NCALD: variants seen among roughly 807,000 people sequenced by gnomAD.
NCALD encodes neurocalcin delta.
Under a neutral mutation model 18.6 loss-of-function variants are expected in NCALD, and 10 were observed. The ratio of observed to expected loss-of-function variants is 0.54; its 90% CI spans 0.33 to 0.91. NCALD has a LOEUF of 0.91. Ranked by LOEUF, NCALD falls within the 40% of genes least tolerant of loss-of-function variation. The probability of loss-of-function intolerance (pLI) is 0.03; values close to 1 mark genes in which losing one functional copy is unlikely to be tolerated. For missense variants in NCALD, 184 were observed against 247.6 expected (o/e 0.74, Z 1.72); for synonymous variants, 88 against 87.4 (o/e 1.01, Z -0.04).
At position 101,762,279 on chromosome 8, in the gene NCALD, A is replaced by C. The variant is rs74790910; in HGVS notation, c.-20+28583T>G. The stretch of plus-strand genomic sequence containing the variant: ...ATCATAATACAAAGATCTAGCTAAT[A>C]AAAATTCCATTTTGCTCTGGTGAGA... On this transcript the variant is annotated intron_variant, in intron 1 of 3. Coordinates refer to ENST00000220931, the MANE Select transcript of NCALD (RefSeq NM_032041.3). 9.5e-3 allele frequency among the ~76,000 whole-genome samples: 1,440 copies of C among 152,302 alleles called. 11 individuals are homozygous for C. Among genetic ancestry groups the C allele is most frequent in the Middle Eastern group, 0.041 (12 of 294 alleles).
chr8:102,043,447 A>G (rs1823123391), intron 1 of NCALD, among the ~76,000 whole-genome samples: 1 of 151,712 alleles, frequency 6.6e-6, no homozygotes, highest in Admixed American at 6.6e-5. Context: ...CTAAACATTA[A>G]TAGACTGACA....
At chr8:101,811,342 A>C (rs1428395184) in intron 4 of NCALD, among the ~76,000 whole-genome samples, 3 of 152,188 alleles carry the variant, frequency 2.0e-5, no homozygotes, top group Non-Finnish European at 4.4e-5. Flanking sequence ...GGAAGGGGCC[A>C]TGAGCCAAAG....
chr8:102,073,546 A>G (rs1457761945), intron 1 of NCALD, among the ~76,000 whole-genome samples: 3 of 151,544 alleles, frequency 2.0e-5, no homozygotes, highest in African/African-American at 7.3e-5. Flanking sequence ...TTTTTTTACT[A>G]TAGCATGGAT....
chr8:101,866,419 A>G (rs1364093277), intron 4 of NCALD, among the ~76,000 whole-genome samples: 1 of 152,152 alleles, frequency 6.6e-6, no homozygotes, highest in Non-Finnish European at 1.5e-5. Context: ...CAATCACCAA[A>G]TTTATATCTC....
chr8:101,732,920 A>C (rs1032070983), intron 1 of NCALD, among the ~76,000 whole-genome samples: 5 of 152,044 alleles, frequency 3.3e-5, no homozygotes, highest in Admixed American at 1.3e-4. Context: ...ATTTTCAATA[A>C]TATTTTATCC....
intron 1 of NCALD, among the ~76,000 whole-genome samples, chr8:102,026,097 C>A (rs530070173): frequency 6.6e-6 from 1 of 152,260 alleles, no homozygotes; most frequent in South Asian, 2.1e-4. Context: ...CAGATCCCAC[C>A]TACAACACAT....
chr8:102,097,804 C>T (rs2132400637), intron 1 of NCALD, among the ~76,000 whole-genome samples: 1 of 152,328 alleles, frequency 6.6e-6, no homozygotes, highest in South Asian at 2.1e-4. Context: ...TGAAACTAAA[C>T]AGGCCATTAT....
At chr8:101,983,070 C>T (rs182955066) in intron 2 of NCALD, among the ~76,000 whole-genome samples, 2 of 152,074 alleles carry the variant, frequency 1.3e-5, no homozygotes, top group East Asian at 1.9e-4. Context: ...GACCCCCAAG[C>T]GGCTACATTC....
At chr8:101,833,344 A>G (rs1814263600) in intron 4 of NCALD, among the ~76,000 whole-genome samples, 1 of 152,230 alleles carries the variant, frequency 6.6e-6, no homozygotes, top group Non-Finnish European at 1.5e-5. Flanking sequence ...TGACTTCCCA[A>G]GAAACTTTCA....
intron 1 of NCALD, among the ~76,000 whole-genome samples, chr8:101,755,194 A>C (rs1358505781): frequency 6.6e-6 from 1 of 152,228 alleles, no homozygotes; most frequent in Admixed American, 6.5e-5. Context: ...TCACAGTTAA[A>C]GTCTTGATTT....
chr8:101,889,870 A>G (rs1258419138), intron 3 of NCALD, among the ~76,000 whole-genome samples: 1 of 152,234 alleles, frequency 6.6e-6, no homozygotes, highest in Non-Finnish European at 1.5e-5. Context: ...GATTAATTCC[A>G]GAGGAATTAA....
intron 3 of NCALD, among the ~76,000 whole-genome samples, chr8:101,894,770 G>T: frequency 6.6e-6 from 1 of 151,144 alleles, no homozygotes; most frequent in Non-Finnish European, 1.5e-5. Flanking sequence ...TAGAAGAAAT[G>T]GATAAATTCC....
intron 2 of NCALD, among the ~76,000 whole-genome samples, chr8:101,977,687 T>C (rs1386364365): frequency 6.6e-6 from 1 of 152,138 alleles, no homozygotes; most frequent in Non-Finnish European, 1.5e-5. Flanking sequence ...GCCCTGAGCA[T>C]TTCTGGGGGC....
intron 4 of NCALD, among the ~76,000 whole-genome samples, chr8:101,839,152 T>C (rs1814535062): frequency 6.6e-6 from 1 of 152,206 alleles, no homozygotes; most frequent in Non-Finnish European, 1.5e-5. Context: ...GTTCACAGTC[T>C]GCACTGAGGA....
intron 1 of NCALD, among the ~76,000 whole-genome samples, chr8:102,027,955 T>C (rs1378983731): frequency 3.9e-5 from 6 of 152,196 alleles, no homozygotes; most frequent in Admixed American, 2.6e-4. Flanking sequence ...ATTGCCCCCA[T>C]GATTCAATTA....
intron 1 of NCALD, among the ~76,000 whole-genome samples, chr8:101,725,729 C>T (rs967342632): frequency 3.3e-5 from 5 of 152,142 alleles, no homozygotes; most frequent in Non-Finnish European, 5.9e-5. Flanking sequence ...TTGAGCATGG[C>T]GTCCAAGTAA....
At chr8:101,785,839 G>A (rs1274101338) in intron 1 of NCALD, 3 of 152,188 alleles carry the variant, frequency 2.0e-5, no homozygotes, top group African/African-American at 7.2e-5. Flanking sequence ...CTGGGAATAG[G>A]ACTGAGCATA....
At chr8:101,826,273 A>T (rs1364413938) in intron 4 of NCALD, among the ~76,000 whole-genome samples, 1 of 152,210 alleles carries the variant, frequency 6.6e-6, no homozygotes, top group Non-Finnish European at 1.5e-5. Flanking sequence ...CAAATTCCAC[A>T]TCTAAATGGG....
intron 2 of NCALD, among the ~76,000 whole-genome samples, chr8:101,986,034 CCTTTT>C (rs774163719): frequency 5.1e-4 from 78 of 151,872 alleles, no homozygotes; most frequent in South Asian, 1.9e-3. Flanking sequence ...TTTTTCCTTT[CCTTTT>C]CTTTTTTCTA....
Sources: gnomAD v4.1 joint callset for allele counts (sites outside exome capture counted in the v4.1 genomes callset) on GRCh38, gnomAD v4.1.1 for gene constraint, MANE v1.5 for transcripts, NCBI Gene and HGNC (gene_info 2026-07-23, HGNC 2026-07-21) for gene names.